AFG1L: variants seen among roughly 807,000 people sequenced by gnomAD.
AFG1L encodes the protein AFG1 like ATPase.
AFG1L carries 53 observed loss-of-function variants against 62.2 expected under a neutral mutation model. The ratio of observed to expected loss-of-function variants is 0.85; its 90% CI spans 0.68 to 1.07. The LOEUF (loss-of-function observed/expected upper bound fraction) is 1.07, where lower values mean the gene tolerates loss of function less well. Among genes scored for constraint, AFG1L ranks in the 50% least tolerant of loss-of-function variants. The pLI, the probability that AFG1L is intolerant of heterozygous loss-of-function variation, is 0.00. For missense variants in AFG1L, 555 were observed against 590.5 expected (o/e 0.94, Z 0.62); for synonymous variants, 228 against 210.3 (o/e 1.08, Z -0.73).
At chr6:108,396,353 T>G (rs1343489203) in intron 6 of AFG1L, among the ~76,000 whole-genome samples, 3 of 152,194 alleles carry the variant, frequency 2.0e-5, no homozygotes, top group African/African-American at 7.2e-5. Flanking sequence ...GTTACGTATA[T>G]TAAAAAACAT....
intron 7 of AFG1L, among the ~76,000 whole-genome samples, chr6:108,406,546 T>C (rs1781866496): frequency 6.6e-6 from 1 of 152,160 alleles, no homozygotes; most frequent in Non-Finnish European, 1.5e-5. Context: ...CAAGTGATTC[T>C]CATTCCTCAG....
chr6:108,489,025 G>T (rs899729604), intron 10 of AFG1L, among the ~76,000 whole-genome samples: 1 of 152,164 alleles, frequency 6.6e-6, no homozygotes, highest in Non-Finnish European at 1.5e-5. Context: ...TATCCAGAAG[G>T]CACTGCTTAT....
At chr6:108,319,834 T>C (rs1777751685) in intron 1 of AFG1L, 1 of 415,292 alleles carries the variant, frequency 2.4e-6, no homozygotes, top group Admixed American at 2.5e-5. Context: ...TAAGTAAATA[T>C]GCTCTGTGGA....
chr6:108,482,187 C>T (rs575743446), intron 10 of AFG1L, among the ~76,000 whole-genome samples: 124 of 152,026 alleles, frequency 8.2e-4, no homozygotes, highest in East Asian at 1.9e-4. Context: ...CCAATACTTT[C>T]CAATAACCAA....
intron 3 of AFG1L, among the ~76,000 whole-genome samples, chr6:108,348,348 G>A (rs887806347): frequency 6.6e-6 from 1 of 152,242 alleles, no homozygotes; most frequent in African/African-American, 2.4e-5. Flanking sequence ...AAAGTGCTGG[G>A]ATTACAGGCA....
intron 6 of AFG1L, among the ~76,000 whole-genome samples, chr6:108,392,948 A>G (rs1053661749): frequency 2.6e-5 from 4 of 152,104 alleles, no homozygotes; most frequent in African/African-American, 9.7e-5. Context: ...TCTCCAAAAT[A>G]TTTATTTAGG....
intron 8 of AFG1L, among the ~76,000 whole-genome samples, chr6:108,475,759 T>A (rs928104308): frequency 3.3e-5 from 5 of 152,194 alleles, no homozygotes; most frequent in African/African-American, 1.2e-4. Flanking sequence ...TTGTTGCATT[T>A]TAAAGACATT....
At chr6:108,506,457 C>T (rs1774424430) in intron 10 of AFG1L, among the ~76,000 whole-genome samples, 1 of 152,260 alleles carries the variant, frequency 6.6e-6, no homozygotes, top group Non-Finnish European at 1.5e-5. Flanking sequence ...GATCCACCCA[C>T]CTCAGCTTCT....
intron 5 of AFG1L, 95 bp from the exon 6 acceptor site, chr6:108,366,138 A>C: frequency 1.5e-6 from 1 of 664,740 alleles, no homozygotes; most frequent in South Asian, 2.0e-5. Flanking sequence ...TTTCTCTTGG[A>C]ATTTACTTCC....
chr6:108,417,235 A>AACAT (rs1770339942), intron 7 of AFG1L, among the ~76,000 whole-genome samples: 1 of 133,556 alleles, frequency 7.5e-6, no homozygotes, highest in Non-Finnish European at 1.6e-5. Context: ...CATTGTCTTA[A>AACAT]ACACACACAC....
intron 11 of AFG1L, among the ~76,000 whole-genome samples, chr6:108,512,325 A>C (rs1018218937): frequency 6.6e-6 from 1 of 152,192 alleles, no homozygotes; most frequent in African/African-American, 2.4e-5. Context: ...AGGGAAGCCC[A>C]CCTAAGGGAG....
intron 7 of AFG1L, among the ~76,000 whole-genome samples, chr6:108,439,965 G>T (rs1444168343): frequency 1.3e-5 from 2 of 151,952 alleles, no homozygotes; most frequent in African/African-American, 2.4e-5. Flanking sequence ...TTCTTTCATA[G>T]AACTTTTAAG....
chr6:108,330,732 A>G (rs1028171616), intron 2 of AFG1L, among the ~76,000 whole-genome samples: 1 of 152,182 alleles, frequency 6.6e-6, no homozygotes, highest in Non-Finnish European at 1.5e-5. Flanking sequence ...ACATTCAGCC[A>G]TTTTGGAGGA....
intron 3 of AFG1L, among the ~76,000 whole-genome samples, chr6:108,352,822 T>A (rs1020834070): frequency 5.9e-5 from 9 of 152,142 alleles, no homozygotes; most frequent in Admixed American, 3.9e-4. Context: ...TGCCTTGGAC[T>A]CCCAAATTGC....
chr6:108,339,844 A>G (rs181835747), intron 2 of AFG1L, among the ~76,000 whole-genome samples: 316 of 152,308 alleles, frequency 2.1e-3, no homozygotes, highest in African/African-American at 7.3e-3. Context: ...GCAATGTGAA[A>G]TAATCACATC....
intron 8 of AFG1L, among the ~76,000 whole-genome samples, chr6:108,454,321 A>G (rs551042627): frequency 6.6e-6 from 1 of 152,342 alleles, no homozygotes; most frequent in Admixed American, 6.5e-5. Flanking sequence ...ACATGGAGAC[A>G]CTTGCACAAA....
chr6:108,373,752 G>C (rs1370546572), intron 6 of AFG1L, among the ~76,000 whole-genome samples: 2 of 11,876 alleles, frequency 1.7e-4, no homozygotes, highest in Non-Finnish European at 1.3e-3. Context: ...AATTTTTGTA[G>C]TTTTAGTAGA....
intron 6 of AFG1L, among the ~76,000 whole-genome samples, chr6:108,391,284 C>T (rs1045228755): frequency 1.3e-5 from 2 of 152,140 alleles, no homozygotes; most frequent in African/African-American, 4.8e-5. Flanking sequence ...GCATCCACAC[C>T]AACATCTATT....
intron 2 of AFG1L, among the ~76,000 whole-genome samples, chr6:108,330,190 T>A (rs914573309): frequency 9.3e-5 from 14 of 150,204 alleles, no homozygotes; most frequent in African/African-American, 2.4e-4. Flanking sequence ...TTATTTTTTT[T>A]TTTTTTTTGC....
Sources: allele counts gnomAD v4.1 joint callset (sites outside exome capture counted in the v4.1 genomes callset), GRCh38; gene constraint gnomAD v4.1.1; transcripts MANE v1.5; gene names NCBI Gene and HGNC (gene_info 2026-07-23, HGNC 2026-07-21).